ERICH6B: variants seen among roughly 807,000 people sequenced by gnomAD.
The protein encoded by ERICH6B is glutamate-rich protein 6B.
ERICH6B carries 69 observed loss-of-function variants against 80.0 expected under a neutral mutation model. That is an observed-to-expected ratio of 0.86 (90% confidence interval 0.71 to 1.05). The LOEUF (loss-of-function observed/expected upper bound fraction) is 1.05, where lower values mean the gene tolerates loss of function less well. Among genes scored for constraint, ERICH6B ranks in the 50% least tolerant of loss-of-function variants. The pLI, the probability that ERICH6B is intolerant of heterozygous loss-of-function variation, is 0.00. For synonymous variants in ERICH6B, 283 were observed against 291.9 expected (o/e 0.97, Z 0.31); for missense variants, 754 against 796.1 (o/e 0.95, Z 0.64).
intron 7 of ERICH6B, among the ~76,000 whole-genome samples, chr13:45,575,292 G>A (rs1008740994): frequency 2.0e-5 from 3 of 152,230 alleles, no homozygotes; most frequent in African/African-American, 4.8e-5. Flanking sequence ...CGCACATTCC[G>A]GCAGAGGACT....
chr13:45,610,961 A>C (rs1210306825), intron 1 of ERICH6B, among the ~76,000 whole-genome samples: 1 of 152,014 alleles, frequency 6.6e-6, no homozygotes, highest in Non-Finnish European at 1.5e-5. Flanking sequence ...AAGAGACAAC[A>C]AATAGTTACT....
At chr13:45,579,157 C>T (rs140735336) in intron 7 of ERICH6B, among the ~76,000 whole-genome samples, 64 of 152,284 alleles carry the variant, frequency 4.2e-4, no homozygotes, top group East Asian at 3.3e-3. Flanking sequence ...CTCTAAAATG[C>T]CCATGGAAAT....
intron 10 of ERICH6B, 42 bp downstream of exon 10, chr13:45,563,685 G>T (rs553316934): frequency 1.3e-6 from 2 of 1,514,072 alleles, no homozygotes; most frequent in African/African-American, 2.8e-5. Flanking sequence ...GATGCAGACA[G>T]GAGAGCCAGC....
intron 8 of ERICH6B, among the ~76,000 whole-genome samples, chr13:45,572,904 T>C (rs1297300788): frequency 6.6e-6 from 1 of 151,394 alleles, no homozygotes; most frequent in Admixed American, 6.6e-5. Context: ...AACAATAAGA[T>C]GCTATTTCCA....
chr13:45,546,590 A>T (rs1874001207), intron 13 of ERICH6B, among the ~76,000 whole-genome samples: 1 of 152,078 alleles, frequency 6.6e-6, no homozygotes, highest in Non-Finnish European at 1.5e-5. Context: ...TTTCCCCAAG[A>T]CGTAGGCCCC....
At position 45,570,293 on chromosome 13, in the gene ERICH6B, G is replaced by A. The variant is rs1040080922; in HGVS notation, c.1051-1842C>T. On this transcript the variant is annotated intron_variant, in intron 8 of 14. Transcript: ENST00000298738. ...ACAGCAAGGTTTGTGATGCATAAGT[G>A]TATCACTGAAATAAAAAATGAAGGC... Among the ~76,000 whole-genome samples the A allele has an allele frequency of 2.6e-5, 4 of 152,104 alleles. No individual in the cohort carries two copies. In the East Asian group the frequency reaches 7.7e-4, roughly 29 times the overall value.
chr13:45,571,251 T>A (rs570798697), intron 8 of ERICH6B, among the ~76,000 whole-genome samples: 39 of 152,022 alleles, frequency 2.6e-4, no homozygotes, highest in Non-Finnish European at 4.4e-4. Context: ...GTGTCTAGAG[T>A]TTCACAATGT....
chr13:45,561,225 G>T, intron 11 of ERICH6B, 144 bp downstream of exon 11: 1 of 800,066 alleles, frequency 1.2e-6, no homozygotes, highest in Admixed American at 3.0e-5. Context: ...CACACACTCA[G>T]GTGTACCTCT....
chr13:45,556,048 C>G (rs2137969210), intron 11 of ERICH6B, among the ~76,000 whole-genome samples: 1 of 150,722 alleles, frequency 6.6e-6, no homozygotes, highest in East Asian at 2.0e-4. Flanking sequence ...GGTACTTGTC[C>G]CAAATGGCCT....
At chr13:45,611,528 T>C (rs1949899761) in intron 1 of ERICH6B, among the ~76,000 whole-genome samples, 1 of 152,224 alleles carries the variant, frequency 6.6e-6, no homozygotes. Context: ...GCAAAACCTT[T>C]ATAGAAAAGA....
Position 45,556,136 on chromosome 13 carries a change from G to A in ERICH6B, c.1407+5233C>T, listed in dbSNP as rs147437656. Reference sequence around the variant, plus strand: ...GGGCCCCCTCTGCTGCTGTTTCCTCGTGGCTCCTAAAAATAGCCAACATAG... The same window carrying A: ...GGGCCCCCTCTGCTGCTGTTTCCTCATGGCTCCTAAAAATAGCCAACATAG... On this transcript the variant is annotated intron_variant, in intron 11 of 14. Transcript: ENST00000298738. Among the ~76,000 whole-genome samples, 220 of 151,452 alleles carry A rather than the reference G, an allele frequency of 1.5e-3. 1 individual carries two copies. The South Asian group carries it at 0.015, about 10-fold the overall frequency.
chr13:45,604,205 C>T (rs1460245596), intron 2 of ERICH6B, among the ~76,000 whole-genome samples: 1 of 152,244 alleles, frequency 6.6e-6, no homozygotes, highest in Non-Finnish European at 1.5e-5. Flanking sequence ...GGAGCACCCA[C>T]TCCAAAAGGG....
intron 3 of ERICH6B, among the ~76,000 whole-genome samples, chr13:45,592,282 G>A (rs765719477): frequency 6.6e-6 from 1 of 152,232 alleles, no homozygotes; most frequent in South Asian, 2.1e-4. Flanking sequence ...GGAGCACATT[G>A]GAGGCAGAAG....
chr13:45,569,776 G>A (rs887961324), intron 8 of ERICH6B, among the ~76,000 whole-genome samples: 1 of 152,184 alleles, frequency 6.6e-6, no homozygotes, highest in Admixed American at 6.5e-5. Context: ...GGAGAAAGCT[G>A]GGGTGCTTTA....
chr13:45,600,555 G>A (rs747130256), intron 2 of ERICH6B, among the ~76,000 whole-genome samples: 2 of 152,004 alleles, frequency 1.3e-5, no homozygotes, highest in Non-Finnish European at 1.5e-5. Context: ...AGTCTCCATC[G>A]TCTATTATTC....
intron 5 of ERICH6B, among the ~76,000 whole-genome samples, 185 bp downstream of exon 5, chr13:45,586,878 A>G (rs961641236): frequency 6.6e-6 from 1 of 152,176 alleles, no homozygotes; most frequent in African/African-American, 2.4e-5. Flanking sequence ...TGAAACAGGA[A>G]GCAAGGCTAG....
chr13:45,604,497 C>T (rs1949845908), intron 2 of ERICH6B, among the ~76,000 whole-genome samples: 1 of 152,086 alleles, frequency 6.6e-6, no homozygotes, highest in Non-Finnish European at 1.5e-5. Flanking sequence ...CACAGCAAGC[C>T]CTGATGTGGG....
intron 4 of ERICH6B, among the ~76,000 whole-genome samples, chr13:45,589,604 G>A (rs1876073922): frequency 6.6e-6 from 1 of 152,162 alleles, no homozygotes; most frequent in South Asian, 2.1e-4. Context: ...GAGATTAAGT[G>A]GCTGCCCTGT....
intron 9 of ERICH6B, 125 bp downstream of exon 9, chr13:45,568,190 C>T (rs897315600): frequency 9.1e-7 from 1 of 1,103,986 alleles, no homozygotes. Flanking sequence ...TGCTCCTTGA[C>T]TCAGGGAACC....
Sources: gnomAD v4.1 joint callset for allele counts (sites outside exome capture counted in the v4.1 genomes callset) on GRCh38, gnomAD v4.1.1 for gene constraint, MANE v1.5 for transcripts, NCBI Gene and HGNC (gene_info 2026-07-23, HGNC 2026-07-21) for gene names.